CELSR1: variants seen among roughly 807,000 people sequenced by gnomAD.
CELSR1 encodes cadherin EGF LAG seven-pass G-type receptor 1.
CELSR1 carries 110 observed loss-of-function variants against 249.1 expected under a neutral mutation model. That is an observed-to-expected ratio of 0.44 (90% CI 0.38 to 0.52). CELSR1 has a LOEUF of 0.52. Among genes scored for constraint, CELSR1 ranks in the 20% least tolerant of loss-of-function variants. CELSR1 has a pLI of 0.00. For missense variants in CELSR1, 4,109 were observed against 4,296.4 expected (o/e 0.96, Z 1.22); for synonymous variants, 2,113 against 1,900.0 (o/e 1.11, Z -2.92).
In CELSR1 at chr22:46,408,371, G is replaced by A. The variant is rs1178697502; in HGVS notation, c.5226+625C>T. Among the ~76,000 whole-genome samples, 3 of 152,098 alleles carry A rather than the reference G, an allele frequency of 2.0e-5. No homozygotes were observed. Among genetic ancestry groups the A allele is most frequent in the Non-Finnish European group, 2.9e-5 (2 of 68,014 alleles). Reference sequence around the variant, plus strand: ...TTTGAGATGGAGTCTCTGTCTTGTCGTCCAGACTGGAGTGTGGTGACACGT... The same window carrying A: ...TTTGAGATGGAGTCTCTGTCTTGTCATCCAGACTGGAGTGTGGTGACACGT... On this transcript the variant is annotated intron_variant, in intron 9 of 34. Coordinates refer to ENST00000674500, the MANE Select transcript of CELSR1 (RefSeq NM_001378328.1). This position sits in a 1 kb window ranked among gnomAD's most constrained non-coding sequence, Gnocchi z 4.6.
chr22:46,462,824 C>T (rs755396196), intron 2 of CELSR1: 36 of 398,630 alleles, frequency 9.0e-5, no homozygotes, highest in East Asian at 1.9e-4. Context: ...TAAAAACCAC[C>T]GTTGGCTACA....
At position 46,527,890 on chromosome 22, in the gene CELSR1, G is replaced by C. The variant is rs187469566; in HGVS notation, c.3544+5737C>G. 9.2e-5 allele frequency among the ~76,000 whole-genome samples: 14 copies of C among 152,238 alleles called. No individual in the cohort carries two copies. The East Asian group carries it at 2.7e-3, about 29-fold the overall frequency. On this transcript the variant is annotated intron_variant, in intron 1 of 34. Coordinates refer to ENST00000674500, the MANE Select transcript of CELSR1 (RefSeq NM_001378328.1). The surrounding 1 kb of genome is among the most constrained non-coding windows in gnomAD (Gnocchi z 5.5). ...GCGGGCGGATAGCCTGAGGTCAGGA[G>C]TTGGAGACCAGCCTGGCCAGCATGG... is the stretch of plus-strand genomic sequence containing the variant.
In CELSR1 at chr22:46,411,697, T is replaced by C. The variant is rs1333837839; in HGVS notation, c.4674A>G (p.Thr1558=). The change falls in exon 6 of 35, where the codon ACA becomes ACG. Residue 1558 remains threonine (T), a synonymous_variant. Coordinates refer to ENST00000674500, the MANE Select transcript of CELSR1 (RefSeq NM_001378328.1). The surrounding 1 kb of genome is among the most constrained non-coding windows in gnomAD (Gnocchi z 4.2). ...CCATGGTTGTGTCACAATCATCCAC[T>C]GTCACCACGGCCATCTTTTCCCCGG... ...GPSGEKMAVV[T]VDDCDTTMAV... is the part of the protein sequence containing the mutation. 7 of 1,614,102 alleles carry C rather than the reference T, an allele frequency of 4.3e-6. No homozygotes were observed. Among genetic ancestry groups the C allele is most frequent in the Admixed American group, 3.3e-5 (2 of 60,016 alleles).
At chr22:46,531,185 T>TTTTA (rs151076267) in intron 1 of CELSR1, among the ~76,000 whole-genome samples, 30,121 of 147,822 alleles carry the variant, frequency 0.2, 3,351 homozygotes, top group Middle Eastern at 0.28. Context: ...CTGCGCATCC[T>TTTTA]TTTATTTATT....
At chr22:46,519,633 A>C (rs2080664341) in intron 1 of CELSR1, among the ~76,000 whole-genome samples, 1 of 152,150 alleles carries the variant, frequency 6.6e-6, no homozygotes, top group South Asian at 2.1e-4. Context: ...CAAGACATCC[A>C]CATACCCAGG....
At chr22:46,418,049 C>T (rs1016455966) in intron 5 of CELSR1, among the ~76,000 whole-genome samples, 19 of 152,202 alleles carry the variant, frequency 1.2e-4, no homozygotes, top group Non-Finnish European at 1.9e-4. Flanking sequence ...CCTCGTGGGA[C>T]GACATGAATG....
At chr22:46,509,227 A>G (rs563714703) in intron 1 of CELSR1, among the ~76,000 whole-genome samples, 2 of 152,260 alleles carry the variant, frequency 1.3e-5, no homozygotes, top group Non-Finnish European at 2.9e-5. Context: ...GGGTCTGGAC[A>G]AGGGGGTGCA....
At chr22:46,364,965 C>T (rs1244754394) in intron 32 of CELSR1, among the ~76,000 whole-genome samples, 1 of 152,230 alleles carries the variant, frequency 6.6e-6, no homozygotes, top group South Asian at 2.1e-4. Flanking sequence ...GCTAATCCCC[C>T]ACTGGCAGCC....
intron 2 of CELSR1, among the ~76,000 whole-genome samples, chr22:46,455,089 G>A (rs533511683): frequency 6.6e-5 from 10 of 152,202 alleles, no homozygotes; most frequent in Admixed American, 1.3e-4. Context: ...TGATGCATCC[G>A]TGAGTCAGAT....
chr22:46,531,763 A>G (rs1260386066), intron 1 of CELSR1, among the ~76,000 whole-genome samples: 2 of 152,168 alleles, frequency 1.3e-5, no homozygotes, highest in Non-Finnish European at 2.9e-5. Context: ...AGGGAAACAC[A>G]TGAGAGCGCA....
chr22:46,491,625 T>TTCTC (rs71315160), intron 1 of CELSR1, among the ~76,000 whole-genome samples: 3,278 of 136,304 alleles, frequency 0.024, 150 homozygotes, highest in African/African-American at 0.085. Flanking sequence ...ATAGTCTCTA[T>TTCTC]TCTCTCTCTC....
intron 1 of CELSR1, among the ~76,000 whole-genome samples, chr22:46,498,204 G>A (rs542530587): frequency 7.8e-5 from 10 of 128,876 alleles, no homozygotes; most frequent in African/African-American, 1.8e-4. Context: ...AGCCAAGATC[G>A]TGCCACTGCA....
chr22:46,469,510 G>GTTTT (rs912177194), intron 1 of CELSR1, among the ~76,000 whole-genome samples: 2 of 151,146 alleles, frequency 1.3e-5, no homozygotes, highest in African/African-American at 4.9e-5. Flanking sequence ...TTGTTTTGTT[G>GTTTT]TTGTTTGTTT....
chr22:46,389,170 G>A (rs936586310), intron 18 of CELSR1, 120 bp downstream of exon 18: 2 of 1,105,216 alleles, frequency 1.8e-6, no homozygotes, highest in Non-Finnish European at 2.7e-6. Flanking sequence ...ATGAGGATGG[G>A]GATCCTGGAC....
Position 46,397,829 on chromosome 22 carries a change from G to T in CELSR1, c.5546C>A (p.Thr1849Lys), listed in dbSNP as rs146305676. ...GCMQGVRMGGTPTNVATLNMN... is the reference protein window; with the variant it reads ...GCMQGVRMGGKPTNVATLNMN... The stretch of plus-strand genomic sequence containing the variant: ...GTTCAGGGTGGCGACGTTGGTGGGC[G>T]TCCCCCCCATCCTCACTCCCTGCAT... Residue 1849 changes from threonine to lysine, a missense_variant, in exon 12 of 35, where the codon ACG (threonine) becomes AAG (lysine). Transcript: ENST00000674500. 2 of 1,580,594 alleles carry T rather than the reference G, an allele frequency of 1.3e-6. No individual in the cohort carries two copies. Among genetic ancestry groups the T allele is most frequent in the East Asian group, 2.3e-5 (1 of 43,288 alleles).
chr22:46,391,185 C>G lies in CELSR1; in HGVS notation c.6250+1G>C. On this transcript the variant is annotated splice_donor_variant, in intron 16 of 34. Transcript: ENST00000674500. LOFTEE classifies it high-confidence loss of function. The surrounding 1 kb of genome is among the most constrained non-coding windows in gnomAD (Gnocchi z 4.3). Reference sequence around the variant, plus strand: ...CCTACACACAGGCCACGGCGACTCACCAACGGATCCCTTAGGGCATGGCAC... The same window carrying G: ...CCTACACACAGGCCACGGCGACTCAGCAACGGATCCCTTAGGGCATGGCAC... The G allele has an allele frequency of 6.2e-7, 1 of 1,611,904 alleles. No homozygotes were observed. The highest frequency in any genetic ancestry group is 8.5e-7 in the Non-Finnish European group (1 of 1,179,296).
rs2079221544 is a variant in CELSR1 at position 46,402,707 on chromosome 22, A to C, written c.5227-2805T>G. ...ACTGGGAACCACAAAACTTTCAAGG[A>C]AACAGACTCAGTGAGACAATTAGAC... On this transcript the variant is annotated intron_variant, in intron 9 of 34. Transcript: ENST00000674500. The surrounding 1 kb of genome is among the most constrained non-coding windows in gnomAD (Gnocchi z 5.0). Among the ~76,000 whole-genome samples, 2 of 152,214 alleles carry C rather than the reference A, an allele frequency of 1.3e-5. No homozygotes were observed. Among genetic ancestry groups the C allele is most frequent in the Non-Finnish European group, 2.9e-5 (2 of 68,034 alleles).
At chr22:46,462,239 G>T (rs568366134) in intron 2 of CELSR1, among the ~76,000 whole-genome samples, 1 of 152,342 alleles carries the variant, frequency 6.6e-6, no homozygotes, top group South Asian at 2.1e-4. Context: ...AGACTAGCAG[G>T]CGTGGGAACA....
chr22:46,439,805 C>T (rs2079721180), intron 2 of CELSR1, among the ~76,000 whole-genome samples: 2 of 152,160 alleles, frequency 1.3e-5, no homozygotes, highest in South Asian at 4.2e-4. Context: ...AGGCCCCTCC[C>T]CACACCTATG....
Sources: allele counts gnomAD v4.1 joint callset (sites outside exome capture counted in the v4.1 genomes callset), GRCh38; gene constraint gnomAD v4.1.1; non-coding constraint Gnocchi (gnomAD v3.1); transcripts MANE v1.5; gene names NCBI Gene and HGNC (gene_info 2026-07-23, HGNC 2026-07-21).